Variants in CAPRIN2 observed in about 807,000 individuals in gnomAD.
CAPRIN2 encodes caprin family member 2.
CAPRIN2 carries 66 observed loss-of-function variants against 130.4 expected under a neutral mutation model. The observed-to-expected ratio is 0.51, with a 90% confidence interval of 0.42 to 0.62. The LOEUF (loss-of-function observed/expected upper bound fraction) is 0.62. Among genes scored for constraint, CAPRIN2 ranks in the 20% least tolerant of loss-of-function variants. The pLI is 0.00. For missense variants in CAPRIN2, 1,185 were observed against 1,246.6 expected, an observed-to-expected ratio of 0.95 and a Z score of 0.74; for synonymous variants, 471 against 444.1, an observed-to-expected ratio of 1.06 and a Z score of -0.76.
chr12:30,730,313 C>G, intron 6 of CAPRIN2, 31 bp from the exon 8 acceptor site: 1 of 1,502,360 alleles, frequency 6.7e-7, no homozygotes, highest in Non-Finnish European at 9.3e-7. Context: ...TGAATAAATA[C>G]TAGGTGAACT....
Position 30,729,148 on chromosome 12 carries a change from TA to T in CAPRIN2, c.1281del (p.Lys428SerfsTer12). ...GCAGGCTTGGATACCTCCTGGTGCT[TA>T]CCAGAAGCCTCCCAGGACTTAAAGG... On this transcript the variant is annotated frameshift_variant, in exon 8 of 17. Coordinates refer to ENST00000298892, the Ensembl canonical transcript of CAPRIN2. LOFTEE classifies it high-confidence loss of function. The T allele has an allele frequency of 6.2e-7, 1 of 1,614,010 alleles. No individual in the cohort carries two copies. The highest frequency in any genetic ancestry group is 8.5e-7 in the Non-Finnish European group (1 of 1,179,962).
chr12:30,730,913 T>C (rs965864813), intron 6 of CAPRIN2, among the ~76,000 whole-genome samples: 1 of 152,182 alleles, frequency 6.6e-6, no homozygotes, highest in African/African-American at 2.4e-5. Context: ...ATTTTAAAAG[T>C]ATATTTTCTT....
chr12:30,732,777 A>G (rs1479782931), intron 5 of CAPRIN2, among the ~76,000 whole-genome samples: 5 of 152,080 alleles, frequency 3.3e-5, no homozygotes, highest in Non-Finnish European at 5.9e-5. Flanking sequence ...ACCACATTTT[A>G]TCAATTTATC....
At chr12:30,715,969 C>CA (rs1026168363) in intron 13 of CAPRIN2, 7 of 154,740 alleles carry the variant, frequency 4.5e-5, no homozygotes, top group African/African-American at 1.7e-4. Flanking sequence ...AATACCAATA[C>CA]AAAAAATCTA....
chr12:30,716,558 C>T, exon 13 of CAPRIN2: 2 of 1,613,952 alleles, frequency 1.2e-6, no homozygotes, highest in Non-Finnish European at 1.7e-6. Flanking sequence ...TGGCAGTTGG[C>T]ACTGGGGTGG....
At chr12:30,733,438 T>G (rs1467015855) in intron 5 of CAPRIN2, among the ~76,000 whole-genome samples, 191 bp downstream of exon 6, 1 of 152,136 alleles carries the variant, frequency 6.6e-6, no homozygotes, top group Non-Finnish European at 1.5e-5. Flanking sequence ...GAATTCCACT[T>G]TAGTGACTAG....
At chr12:30,722,304 G>A (rs1424867656) in intron 11 of CAPRIN2, among the ~76,000 whole-genome samples, 2 of 152,114 alleles carry the variant, frequency 1.3e-5, no homozygotes, top group Non-Finnish European at 2.9e-5. Context: ...ATTCATCCAG[G>A]AAGCTTTTAA....
chr12:30,739,697 A>T (rs1385413870), intron 3 of CAPRIN2, among the ~76,000 whole-genome samples: 5 of 149,424 alleles, frequency 3.3e-5, no homozygotes, highest in African/African-American at 1.0e-4. Flanking sequence ...CCTGGGCGAC[A>T]GGGCAAGACT....
chr12:30,749,912 CTT>C (rs1827087107), intron 2 of CAPRIN2, among the ~76,000 whole-genome samples: 1 of 152,146 alleles, frequency 6.6e-6, no homozygotes, highest in African/African-American at 2.4e-5. Context: ...TATAGCATGT[CTT>C]TAACATTTCT....
At chr12:30,734,872 ACACACACACACACACT>A (rs1392184471) in intron 4 of CAPRIN2, 80 bp downstream of exon 5, 5 of 759,422 alleles carry the variant, frequency 6.6e-6, no homozygotes, top group African/African-American at 1.8e-5. Flanking sequence ...ACACACACAC[ACACACACACACACACT>A]CTCTCTCTCA....
intron 1 of CAPRIN2, among the ~76,000 whole-genome samples, chr12:30,752,316 A>G (rs974926778): frequency 6.6e-6 from 1 of 152,112 alleles, no homozygotes; most frequent in South Asian, 2.1e-4. Flanking sequence ...AAGTACTCGT[A>G]CTATCTGGTA....
rs1191191168 is a variant in CAPRIN2, at chr12:30,710,699, T to C, written c.2666-229A>G. Among the ~76,000 whole-genome samples the C allele has an allele frequency of 6.6e-6, 1 of 152,238 alleles. No individual in the cohort carries two copies. The highest frequency in any genetic ancestry group is 1.9e-4 in the East Asian group (1 of 5,198). On this transcript the variant is annotated intron_variant, in intron 16 of 16. Coordinates refer to ENST00000298892, the Ensembl canonical transcript of CAPRIN2. This position sits in a 1 kb window ranked among gnomAD's most constrained non-coding sequence, Gnocchi z 4.8. ...GATAATCTTGTCTAACTGATCCTTT[T>C]TTAAGATTAAGAAAATGTGGCCCCC...
chr12:30,736,034 A>G (rs1225306593), intron 3 of CAPRIN2, among the ~76,000 whole-genome samples: 1 of 151,932 alleles, frequency 6.6e-6, no homozygotes, highest in Non-Finnish European at 1.5e-5. Flanking sequence ...CCAGCTACTC[A>G]GGAAGCTGTG....
chr12:30,754,764 C>T (rs1194194681), upstream of CAPRIN2: 1 of 153,244 alleles, frequency 6.5e-6, no homozygotes, highest in Non-Finnish European at 1.5e-5. Context: ...CCCAGGCAGC[C>T]GAGGCCGCCG....
chr12:30,752,454 G>A (rs2074452356), intron 1 of CAPRIN2, among the ~76,000 whole-genome samples: 1 of 151,768 alleles, frequency 6.6e-6, no homozygotes, highest in African/African-American at 2.4e-5. Flanking sequence ...TGGGGAATTT[G>A]TGCTGACCTG....
chr12:30,724,788 C>T (rs1261526806), intron 9 of CAPRIN2, among the ~76,000 whole-genome samples: 2 of 151,954 alleles, frequency 1.3e-5, no homozygotes, highest in Non-Finnish European at 1.5e-5. Flanking sequence ...CTCAGGAGTT[C>T]GAGACCGGCA....
At chr12:30,751,305 G>GAAACTCCA in intron 1 of CAPRIN2, 172 bp from the exon 3 acceptor site, 2 of 586,674 alleles carry the variant, frequency 3.4e-6, no homozygotes, top group Non-Finnish European at 3.1e-6. Flanking sequence ...TCCAGTCAGG[G>GAAACTCCA]GAGAAAAAAT....
At chr12:30,712,986 C>T (rs1442508904) in intron 15 of CAPRIN2, among the ~76,000 whole-genome samples, 2 of 152,202 alleles carry the variant, frequency 1.3e-5, no homozygotes, top group Non-Finnish European at 2.9e-5. Flanking sequence ...AAGTGATCCA[C>T]CTGCCTCAGC....
At position 30,710,449 on chromosome 12, in the gene CAPRIN2, T is replaced by A; in HGVS notation, c.2687A>T (p.Gln896Leu). The A allele has an allele frequency of 6.2e-7, 1 of 1,614,088 alleles. No homozygotes were observed. The highest frequency in any genetic ancestry group is 1.1e-5 in the South Asian group (1 of 91,084). Residue 896 changes from glutamine (Q) to leucine (L), a missense_variant, in exon 17 of 17, where the codon CAG becomes CTG. Gln to Leu is a moderately radical substitution (Grantham distance 113). This residue lies in a region of CAPRIN2 where 1,104 missense variants were observed against 1,104.3 expected (regional missense o/e 1.00). Transcript: ENST00000298892. This position sits in a 1 kb window ranked among gnomAD's most constrained non-coding sequence, Gnocchi z 4.8. ...GTTGTCTCTTTCTGGGCTGCTCACCTGAGAAGAATCACTCCACCCTGCTGT... is the reference window on the plus strand; with the variant it reads ...GTTGTCTCTTTCTGGGCTGCTCACCAGAGAAGAATCACTCCACCCTGCTGT...
Sources: gnomAD v4.1 joint callset for allele counts (sites outside exome capture counted in the v4.1 genomes callset) on GRCh38, gnomAD v4.1.1 for gene constraint, gnomAD v4.1.1 regional missense constraint, Gnocchi (gnomAD v3.1) non-coding constraint, MANE v1.5 for transcripts, NCBI Gene and HGNC (gene_info 2026-07-23, HGNC 2026-07-21) for gene names.